The following METTL13 variants were observed in gnomAD, a reference collection of about 807,000 sequenced individuals.
METTL13 encodes the protein eEF1A lysine and N-terminal methyltransferase.
METTL13 carries 52 observed loss-of-function variants against 67.4 expected under a neutral mutation model. The ratio of observed to expected loss-of-function variants is 0.77; its 90% CI spans 0.62 to 0.97. The LOEUF (loss-of-function observed/expected upper bound fraction) is 0.97. Ranked by LOEUF, METTL13 falls within the 50% of genes least tolerant of loss-of-function variation. METTL13 has a pLI of 0.00. For missense variants in METTL13, 825 were observed against 889.6 expected (o/e 0.93, Z 0.92); for synonymous variants, 354 against 353.6 (o/e 1.00, Z -0.01).
intron 7 of METTL13, among the ~76,000 whole-genome samples, chr1:171,796,206 A>G (rs1186375165): frequency 1.3e-5 from 2 of 152,148 alleles, no homozygotes; most frequent in Non-Finnish European, 2.9e-5. Flanking sequence ...TTGAGAAGCT[A>G]TTTGGGAAAC....
At position 171,782,132 on chromosome 1, in the gene METTL13, G is replaced by A; in HGVS notation, c.153+12G>A. 1.9e-6 allele frequency: 3 copies of A among 1,611,628 alleles called. No homozygotes were observed. Among genetic ancestry groups the A allele is most frequent in the Non-Finnish European group, 2.5e-6 (3 of 1,177,996 alleles). On this transcript the variant is annotated intron_variant, in intron 1 of 7. Coordinates refer to ENST00000361735, the MANE Select transcript of METTL13 (RefSeq NM_015935.5). ...AGCCCAGGGAAAAGGTGAGGAGCGC[G>A]GGTTGGTAGCCCTTCGTACGTGCTC...
intron 3 of METTL13, among the ~76,000 whole-genome samples, chr1:171,786,913 CA>C (rs200140336): frequency 0.01 from 1,562 of 151,976 alleles, 26 homozygotes; most frequent in African/African-American, 0.035. Context: ...GGTGGGAAAG[CA>C]AAGGTATCTA....
At chr1:171,782,165 TGG>T in intron 1 of METTL13, 45 bp downstream of exon 1, 3 of 1,547,926 alleles carry the variant, frequency 1.9e-6, no homozygotes, top group Non-Finnish European at 1.8e-6. Context: ...CTCCGGAAGG[TGG>T]GAACTGGTAA....
Position 171,784,189 on chromosome 1 carries a change from C to G in METTL13, c.603C>G (p.Ser201=). 1 of 1,614,198 alleles carries G rather than the reference C, an allele frequency of 6.2e-7. No individual in the cohort carries two copies. Among genetic ancestry groups the G allele is most frequent in the South Asian group, 1.1e-5 (1 of 91,088 alleles). ...TGTTGGAAGCAGAGCCTCAGTTCTC[C>G]TTGCCTGTCTTTGCCTTCATCATGA... The part of the protein sequence containing the change: ...DQVLEAEPQF[S]LPVFAFIMTK... Residue 201 remains serine (S), a synonymous_variant, in exon 2 of 8, where the codon TCC becomes TCG. Transcript: ENST00000361735.
intron 5 of METTL13, 26 bp downstream of exon 5, chr1:171,790,642 C>G: frequency 6.7e-7 from 1 of 1,484,218 alleles, no homozygotes. Context: ...CTGCCTTCCA[C>G]AGAAGGGAGC....
Position 171,784,303 on chromosome 1 carries a change from C to G in METTL13, c.717C>G (p.Ala239=), listed in dbSNP as rs373283423. The G allele has an allele frequency of 2.0e-4, 320 of 1,608,724 alleles. No homozygotes were observed. Among genetic ancestry groups the G allele is most frequent in the Non-Finnish European group, 2.7e-4 (313 of 1,176,674 alleles). The change falls in exon 2 of 8, where the codon GCC becomes GCG. Residue 239 remains alanine (A), a synonymous_variant. Transcript: ENST00000361735. ...GCAAGCCTGTGCGGCTGGAGAGTGC[C>G]GAGCGGCTGGCCGAGGCGGTGCAGG... ...EQRKPVRLES[A]ERLAEAVQER...
chr1:171,785,753 C>T, intron 2 of METTL13, 126 bp from the exon 3 acceptor site: 1 of 947,236 alleles, frequency 1.1e-6, no homozygotes, highest in Non-Finnish European at 1.6e-6. Context: ...TTGTTAGCTC[C>T]TCAGTGGGTC....
rs769352150 is a variant in METTL13 at position 171,787,936 on chromosome 1, G to A, written c.1309+6G>A. The A allele has an allele frequency of 4.3e-6, 7 of 1,612,866 alleles. No homozygotes were observed. The South Asian group carries it at 6.6e-5, about 15-fold the overall frequency. On this transcript the variant is annotated splice_donor_region_variant and intron_variant, in intron 4 of 7. Transcript: ENST00000361735. The stretch of plus-strand genomic sequence containing the variant: ...GAAGGATGTGTCTCACAAAGGTGAG[G>A]TGTCATAGGCACAGTGGTGGGACCC...
chr1:171,782,219 C>A, intron 1 of METTL13, 99 bp downstream of exon 1: 1 of 965,748 alleles, frequency 1.0e-6, no homozygotes, highest in Non-Finnish European at 1.6e-6. Context: ...GCGGGAGGAC[C>A]CTAGTTGGAC....
Position 171,796,694 on chromosome 1 carries a change from G to A in METTL13, c.2038G>A (p.Gly680Arg). ...QALERTLRKPGRGWDDTYVLS... is the reference protein window; with the variant it reads ...QALERTLRKPRRGWDDTYVLS... ...TTTGGAGCGGACCCTGAGGAAGCCT[G>A]GGAGGGGTTGGGATGACACGTATGT... Residue 680 changes from glycine (G) to arginine (R), a missense_variant, in exon 8 of 8, where the codon GGG becomes AGG. Physicochemically the swap from Gly to Arg is moderately radical, Grantham distance 125 (BLOSUM62 -2). Transcript: ENST00000361735. The A allele has an allele frequency of 6.2e-7, 1 of 1,614,240 alleles. No homozygotes were observed.
intron 5 of METTL13, among the ~76,000 whole-genome samples, chr1:171,791,103 T>C (rs1451165536): frequency 6.6e-6 from 1 of 152,234 alleles, no homozygotes; most frequent in African/African-American, 2.4e-5. Flanking sequence ...CGTTTTCACC[T>C]GAAGTCCCTG....
At chr1:171,793,340 A>G (rs933689879) in intron 6 of METTL13, among the ~76,000 whole-genome samples, 1 of 152,266 alleles carries the variant, frequency 6.6e-6, no homozygotes, top group African/African-American at 2.4e-5. Context: ...CAACAGTGCC[A>G]TGCACATGGT....
chr1:171,790,453 C>G lies in METTL13; in HGVS notation c.1311C>G (p.Ala437=). Residue 437 remains alanine, a splice_region_variant and synonymous_variant, in exon 5 of 8, where the codon GCC becomes GCG. Coordinates refer to ENST00000361735, the MANE Select transcript of METTL13 (RefSeq NM_015935.5). ...ARLLKDVSHK[A]QKKRKKDRKK... ...TAGGGCTTCATATCTCTTGTTTAGC[C>G]CAGAAGAAGCGGAAAAAGGACAGGA... 6.3e-7 allele frequency: 1 copy of G among 1,590,242 alleles called. No individual in the cohort carries two copies. The highest frequency in any genetic ancestry group is 8.5e-7 in the Non-Finnish European group (1 of 1,170,458).
At position 171,783,851 on chromosome 1, in the gene METTL13, G is replaced by T; in HGVS notation, c.265G>T (p.Glu89Ter). 6.2e-7 allele frequency: 1 copy of T among 1,614,212 alleles called. No individual in the cohort carries two copies. Among genetic ancestry groups the T allele is most frequent in the Non-Finnish European group, 8.5e-7 (1 of 1,180,038 alleles). ...ISEVVIKQMK[E>*]CNATRRPQMS... ...TGAGGTTGTCATCAAGCAAATGAAG[G>T]AATGTAATGCCACCCGACGGCCCCA... Residue 89 changes from glutamate to a stop codon, truncating the protein, a stop_gained, in exon 2 of 8, where the codon GAA becomes TAA. Transcript: ENST00000361735. LOFTEE classifies it high-confidence loss of function.
intron 7 of METTL13, among the ~76,000 whole-genome samples, chr1:171,795,606 C>T (rs912611154): frequency 1.4e-4 from 22 of 152,288 alleles, no homozygotes; most frequent in African/African-American, 3.9e-4. Flanking sequence ...GCCAAGGTGA[C>T]GCAAGGTAAC....
At chr1:171,789,397 A>T (rs771842124) in intron 4 of METTL13, among the ~76,000 whole-genome samples, 2 of 151,906 alleles carry the variant, frequency 1.3e-5, no homozygotes, top group Non-Finnish European at 2.9e-5. Flanking sequence ...TCCTTTTTTG[A>T]ATACTTGTGA....
intron 6 of METTL13, among the ~76,000 whole-genome samples, 192 bp from the exon 7 acceptor site, chr1:171,794,204 C>T (rs1267825604): frequency 6.6e-6 from 1 of 152,234 alleles, no homozygotes; most frequent in African/African-American, 2.4e-5. Flanking sequence ...CTATGGGACA[C>T]TCTGAACCCT....
Position 171,786,085 on chromosome 1 carries a change from A to C in METTL13, c.1113+7A>C. The C allele has an allele frequency of 6.2e-7, 1 of 1,610,228 alleles. No homozygotes were observed. Among genetic ancestry groups the C allele is most frequent in the South Asian group, 1.1e-5 (1 of 90,700 alleles). On this transcript the variant is annotated splice_region_variant and intron_variant, in intron 3 of 7. Coordinates refer to ENST00000361735, the MANE Select transcript of METTL13 (RefSeq NM_015935.5). ...GATGCCCACCCAGCAGCAGGTAACA[A>C]AGCTTTCGTACGGCTTTCATGGGTC...
At chr1:171,782,751 C>A (rs1656869348) in intron 1 of METTL13, among the ~76,000 whole-genome samples, 1 of 152,096 alleles carries the variant, frequency 6.6e-6, no homozygotes, top group Non-Finnish European at 1.5e-5. Context: ...TTCAAATAGT[C>A]GTTGAGTGCG....
Sources: allele counts gnomAD v4.1 joint callset (sites outside exome capture counted in the v4.1 genomes callset), GRCh38; gene constraint gnomAD v4.1.1; transcripts MANE v1.5; gene names NCBI Gene and HGNC (gene_info 2026-07-23, HGNC 2026-07-21).